APC: variants seen among roughly 807,000 people sequenced by gnomAD.
APC encodes adenomatous polyposis coli protein.
Under a neutral mutation model 247.0 loss-of-function variants are expected in APC, and 72 were observed. The observed-to-expected ratio is 0.29, with a 90% CI of 0.24 to 0.35. APC has a LOEUF of 0.35. Ranked by LOEUF, APC falls within the 10% of genes least tolerant of loss-of-function variation. The pLI is 1.00. For missense variants in APC, 3,400 were observed against 3,360.7 expected, an observed-to-expected ratio of 1.01 and a Z score of -0.29; for synonymous variants, 1,254 against 1,162.5, an observed-to-expected ratio of 1.08 and a Z score of -1.60.
rs988513045 is a variant in APC at position 112,845,577 on chromosome 5, G to T, written c.*1451G>T. The T allele has an allele frequency of 8.6e-6, 2 of 232,646 alleles. No individual in the cohort carries two copies. Among genetic ancestry groups the T allele is most frequent in the Non-Finnish European group, 1.7e-5 (2 of 117,548 alleles). The allele number at this position is 232,646 out of a possible 1,614,324, so 14.4% of individuals were successfully genotyped here. A position where few individuals can be genotyped will look rare whatever the true frequency, so the allele number is the denominator to read the frequency against. On this transcript the variant is annotated 3_prime_UTR_variant, in exon 16 of 16. Coordinates refer to ENST00000257430, the MANE Select transcript of APC (RefSeq NM_000038.6). ...CAAATCACATGGAACTTTAGAGGTA[G>T]ATTTAATACGATTAAGATATTCAGA...
intron 1 of APC, among the ~76,000 whole-genome samples, chr5:112,751,583 G>T (rs1251884219): frequency 6.6e-6 from 1 of 151,740 alleles, no homozygotes; most frequent in African/African-American, 2.4e-5. Context: ...TTGTAAATGG[G>T]ATCTTTTCTT....
At position 112,828,839 on chromosome 5, in the gene APC, A is replaced by G. The variant is rs1554082075; in HGVS notation, c.1627-17A>G. On this transcript the variant is annotated splice_polypyrimidine_tract_variant and intron_variant, in intron 13 of 15. Transcript: ENST00000257430. ...TGATTTTATGTATAAATTAATCTAA[A>G]ATTGATTAATTTGCAGGTTATTGCG... The G allele has an allele frequency of 6.5e-7, 1 of 1,530,830 alleles. No homozygotes were observed. The highest frequency in any genetic ancestry group is 9.1e-7 in the Non-Finnish European group (1 of 1,104,578). 94.8% of individuals were successfully genotyped at this position (1,530,830 alleles called of 1,614,324 possible).
intron 4 of APC, among the ~76,000 whole-genome samples, chr5:112,769,050 CTT>C (rs11379766): frequency 6.2e-5 from 6 of 96,804 alleles, no homozygotes; most frequent in Non-Finnish European, 9.7e-5. Context: ...TTTTTTTCTT[CTT>C]TTTTTTTTTT....
At chr5:112,795,782 G>T (rs1271224433) in intron 7 of APC, among the ~76,000 whole-genome samples, 1 of 152,104 alleles carries the variant, frequency 6.6e-6, no homozygotes, top group African/African-American at 2.4e-5. Flanking sequence ...ACCTATTAAA[G>T]GATATACTCA....
At chr5:112,830,127 G>C (rs949294531) in intron 14 of APC, among the ~76,000 whole-genome samples, 2 of 151,934 alleles carry the variant, frequency 1.3e-5, no homozygotes, top group African/African-American at 2.4e-5. Flanking sequence ...TTTTGGTAAA[G>C]TATATTATTT....
At chr5:112,718,245 T>C (rs1412411183) in intron 1 of APC, among the ~76,000 whole-genome samples, 1 of 152,148 alleles carries the variant, frequency 6.6e-6, no homozygotes, top group Non-Finnish European at 1.5e-5. Flanking sequence ...CTGATTCAGT[T>C]GTGTTGTAGA....
At chr5:112,753,809 G>GGCATTTT (rs1754650505) in intron 1 of APC, among the ~76,000 whole-genome samples, 2 of 152,122 alleles carry the variant, frequency 1.3e-5, no homozygotes. Flanking sequence ...ATATTACAGA[G>GGCATTTT]GCATTTTTTT....
rs972010514 is a variant in APC at position 112,707,713 on chromosome 5, C to T, written c.-5C>T. ...CAGTTGCCTTCTCGGGCCTCGGCGC[C>T]CCCTATGTACGCCTCCCTGGGCTCG... is the stretch of plus-strand genomic sequence containing the variant. On this transcript the variant is annotated 5_prime_UTR_variant, in exon 1 of 14. Coordinates refer to the APC transcript ENST00000507379. 7 of 1,370,514 alleles carry T rather than the reference C, an allele frequency of 5.1e-6. No homozygotes were observed. Among genetic ancestry groups the T allele is most frequent in the South Asian group, 1.2e-5 (1 of 81,734 alleles). The allele number at this position is 1,370,514 out of a possible 1,614,324, so 84.9% of individuals were successfully genotyped here.
chr5:112,841,194 T>TTGA lies in APC; in HGVS notation c.5612_5614dup (p.Asp1871dup), dbSNP rs779014936. Reference sequence around the variant, plus strand: ...AATGATTCTTTGAGTTCTCTAGATTTTGATGATGATGATGTTGACCTTTCC... The same window carrying TTGA: ...AATGATTCTTTGAGTTCTCTAGATTTTGATGATGATGATGATGTTGACCTTTCC... On this transcript the variant is annotated inframe_insertion, in exon 16 of 16. Transcript: ENST00000257430. This position sits in a 1 kb window ranked among gnomAD's most constrained non-coding sequence, Gnocchi z 4.6. 7 of 1,613,964 alleles carry TTGA rather than the reference T, an allele frequency of 4.3e-6. 1 individual carries two copies. In the South Asian group the frequency reaches 5.5e-5, roughly 13 times the overall value.
chr5:112,794,153 C>T (rs981550715), intron 7 of APC, among the ~76,000 whole-genome samples: 2 of 152,002 alleles, frequency 1.3e-5, no homozygotes, highest in African/African-American at 2.4e-5. Flanking sequence ...AGTGCAGTGG[C>T]GCAATCTCGG....
intron 4 of APC, among the ~76,000 whole-genome samples, chr5:112,773,366 T>A (rs190761253): frequency 6.6e-6 from 1 of 152,240 alleles, no homozygotes; most frequent in Admixed American, 6.5e-5. Context: ...ATAGAAAATA[T>A]CTACAAATCG....
intron 8 of APC, among the ~76,000 whole-genome samples, chr5:112,813,931 A>T (rs900074306): frequency 6.6e-6 from 1 of 152,126 alleles, no homozygotes; most frequent in African/African-American, 2.4e-5. Flanking sequence ...ACCTTCTTCA[A>T]TTAGCCAGAG....
In APC at chr5:112,841,677, G is replaced by A. The variant is rs1766129324; in HGVS notation, c.6083G>A (p.Ser2028Asn). 1 of 1,613,894 alleles carries A rather than the reference G, an allele frequency of 6.2e-7. No individual in the cohort carries two copies. Residue 2028 changes from serine (S) to asparagine (N), a missense_variant, in exon 16 of 16, where the codon AGT (serine) becomes AAT (asparagine). Ser to Asn is a conservative substitution (Grantham distance 46). Coordinates refer to ENST00000257430, the MANE Select transcript of APC (RefSeq NM_000038.6). The surrounding 1 kb of genome is among the most constrained non-coding windows in gnomAD (Gnocchi z 4.6). Reference protein sequence around the residue: ...PVCFSRNSSLSSLSIDSEDDL... With the variant: ...PVCFSRNSSLNSLSIDSEDDL... ...TGTTTCTCAAGAAACAGTTCTCTCA[G>A]TTCTCTTAGTATTGACTCTGAAGAT...
chr5:112,718,651 C>G (rs1751313177), intron 1 of APC, among the ~76,000 whole-genome samples: 1 of 152,240 alleles, frequency 6.6e-6, no homozygotes, highest in Non-Finnish European at 1.5e-5. Context: ...TTCCTGACTT[C>G]TAGTGGATTT....
chr5:112,747,776 C>G (rs1160737803), intron 1 of APC, among the ~76,000 whole-genome samples: 1 of 152,136 alleles, frequency 6.6e-6, no homozygotes, highest in Non-Finnish European at 1.5e-5. Flanking sequence ...TCTAAGACTT[C>G]CTAGTTCTCT....
intron 6 of APC, among the ~76,000 whole-genome samples, chr5:112,787,259 G>T (rs1212528774): frequency 6.6e-6 from 1 of 152,292 alleles, no homozygotes; most frequent in East Asian, 1.9e-4. Flanking sequence ...CTGTGTTTCA[G>T]TAAAACTTAA....
intron 7 of APC, among the ~76,000 whole-genome samples, chr5:112,796,346 A>G (rs1030114158): frequency 3.9e-5 from 6 of 152,224 alleles, no homozygotes; most frequent in African/African-American, 1.4e-4. Context: ...CTCAGCTGAA[A>G]GAGATTAGAA....
intron 3 of APC, among the ~76,000 whole-genome samples, chr5:112,766,749 T>G (rs942931018): frequency 2.6e-5 from 4 of 152,220 alleles, no homozygotes; most frequent in Non-Finnish European, 2.9e-5. Flanking sequence ...ACTGTTTCAT[T>G]GGAAGAAGTA....
At chr5:112,768,568 T>C (rs547415476) in intron 4 of APC, among the ~76,000 whole-genome samples, 12 of 151,790 alleles carry the variant, frequency 7.9e-5, no homozygotes. Context: ...ATGGGGTACA[T>C]AGTGATGTTT....
Sources: allele counts gnomAD v4.1 joint callset (sites outside exome capture counted in the v4.1 genomes callset), GRCh38; gene constraint gnomAD v4.1.1; non-coding constraint Gnocchi (gnomAD v3.1); transcripts MANE v1.5; gene names NCBI Gene and HGNC (gene_info 2026-07-23, HGNC 2026-07-21).